PRAG1: variants seen among roughly 807,000 people sequenced by gnomAD.
PRAG1 encodes the protein PEAK1 related, kinase-activating pseudokinase 1, also known as inactive tyrosine-protein kinase PRAG1.
Under a neutral mutation model 95.6 loss-of-function variants are expected in PRAG1, and 110 were observed. The ratio of observed to expected loss-of-function variants is 1.15; its 90% CI spans 0.99 to 1.35. The LOEUF is 1.35. PRAG1 is among the 40% of genes most tolerant of loss of function. The pLI, the probability that PRAG1 is intolerant of heterozygous loss-of-function variation, is 0.00. For synonymous variants in PRAG1, 1,052 were observed against 819.4 expected, an observed-to-expected ratio of 1.28 and a Z score of -4.85; for missense variants, 2,554 against 1,864.7, an observed-to-expected ratio of 1.37 and a Z score of -6.81.
At chr8:8,373,017 T>C (rs976715873) in intron 3 of PRAG1, among the ~76,000 whole-genome samples, 46 of 152,296 alleles carry the variant, frequency 3.0e-4, no homozygotes, top group Admixed American at 1.1e-3. Context: ...AGAAATAGGA[T>C]CTATTTCACA....
intron 3 of PRAG1, chr8:8,374,782 A>G (rs1383099346): frequency 1.2e-6 from 1 of 862,246 alleles, no homozygotes; most frequent in Non-Finnish European, 1.4e-6. Flanking sequence ...AGTAGTGGTC[A>G]TGAGAAAAAA....
chr8:8,352,516 A>C (rs1563242889), intron 3 of PRAG1, among the ~76,000 whole-genome samples: 2 of 152,146 alleles, frequency 1.3e-5, no homozygotes, highest in African/African-American at 2.4e-5. Context: ...CATCACTTTT[A>C]TTCATCTTCT....
chr8:8,380,887 G>C (rs1800612605), intron 2 of PRAG1, among the ~76,000 whole-genome samples: 1 of 149,940 alleles, frequency 6.7e-6, no homozygotes, highest in African/African-American at 2.5e-5. Context: ...AATTAAGTGT[G>C]ATAATGGTAT....
intron 3 of PRAG1, among the ~76,000 whole-genome samples, chr8:8,366,825 G>T (rs1225695734): frequency 1.3e-5 from 2 of 151,524 alleles, no homozygotes; most frequent in Non-Finnish European, 2.9e-5. Flanking sequence ...CTACAGGTAT[G>T]TGCCACCATG....
At chr8:8,336,912 C>G (rs1314029643) in intron 4 of PRAG1, among the ~76,000 whole-genome samples, 1 of 82,872 alleles carries the variant, frequency 1.2e-5, no homozygotes, top group South Asian at 5.7e-4. Context: ...CCCCTTTCCC[C>G]CCTCCCCCCA....
At chr8:8,355,461 G>A (rs1799652060) in intron 3 of PRAG1, among the ~76,000 whole-genome samples, 3 of 151,970 alleles carry the variant, frequency 2.0e-5, no homozygotes, top group Admixed American at 2.0e-4. Flanking sequence ...AATAGTCAAA[G>A]CAATATTGAG....
intron 3 of PRAG1, among the ~76,000 whole-genome samples, chr8:8,357,858 G>T (rs747676170): frequency 1.3e-5 from 2 of 152,182 alleles, no homozygotes. Flanking sequence ...AACAAATTCA[G>T]TTCCTCCTAT....
At chr8:8,358,294 C>A (rs531953122) in intron 3 of PRAG1, among the ~76,000 whole-genome samples, 1 of 152,186 alleles carries the variant, frequency 6.6e-6, no homozygotes, top group Non-Finnish European at 1.5e-5. Flanking sequence ...CCCTCTCTGA[C>A]AAACCACCCT....
At chr8:8,328,515 G>C (rs995914597) in intron 4 of PRAG1, 54 bp from the exon 5 acceptor site, 1 of 1,551,330 alleles carries the variant, frequency 6.4e-7, no homozygotes, top group Non-Finnish European at 8.7e-7. Flanking sequence ...CTCAATTCCA[G>C]GGTCCTGCAG....
At chr8:8,326,118 C>A (rs1347998447) in intron 5 of PRAG1, among the ~76,000 whole-genome samples, 1 of 147,060 alleles carries the variant, frequency 6.8e-6, no homozygotes, top group Non-Finnish European at 1.5e-5. Context: ...TATAATAATA[C>A]TATTACTACT....
At chr8:8,379,145 G>A (rs2116942787) in intron 2 of PRAG1, among the ~76,000 whole-genome samples, 2 of 152,146 alleles carry the variant, frequency 1.3e-5, no homozygotes, top group African/African-American at 4.8e-5. Context: ...GGATCAGGGT[G>A]AGGGGTGGCT....
At chr8:8,357,837 T>C (rs1002982582) in intron 3 of PRAG1, among the ~76,000 whole-genome samples, 1 of 152,252 alleles carries the variant, frequency 6.6e-6, no homozygotes, top group African/African-American at 2.4e-5. Flanking sequence ...GTTCTGTGAA[T>C]GTATGGGAAA....
chr8:8,353,049 A>G (rs1379606342), intron 3 of PRAG1, among the ~76,000 whole-genome samples: 1 of 152,248 alleles, frequency 6.6e-6, no homozygotes, highest in Non-Finnish European at 1.5e-5. Flanking sequence ...TACAAACATT[A>G]AAGTATCTAA....
chr8:8,354,906 T>C (rs1299847170), intron 3 of PRAG1, among the ~76,000 whole-genome samples: 1 of 152,170 alleles, frequency 6.6e-6, no homozygotes, highest in Admixed American at 6.5e-5. Context: ...TTCATCATTG[T>C]ACTGGAGGTA....
intron 3 of PRAG1, among the ~76,000 whole-genome samples, chr8:8,362,457 C>T (rs559570939): frequency 1.3e-5 from 2 of 152,274 alleles, no homozygotes; most frequent in Admixed American, 6.5e-5. Context: ...CATCCTTTCC[C>T]GTGTTGCTGA....
chr8:8,366,661 C>G (rs1800018085), intron 3 of PRAG1, among the ~76,000 whole-genome samples: 1 of 150,306 alleles, frequency 6.7e-6, no homozygotes, highest in African/African-American at 2.4e-5. Flanking sequence ...GTATTAACCA[C>G]TTGAGATTTT....
chr8:8,383,825 TG>T lies in PRAG1; in HGVS notation c.-87-1992del, dbSNP rs572035782. 3.3e-3 allele frequency among the ~76,000 whole-genome samples: 504 copies of T among 152,296 alleles called. 4 individuals are homozygous for T. Among genetic ancestry groups the T allele is most frequent in the African/African-American group, 0.011 (475 of 41,566 alleles). Reference sequence around the variant, plus strand: ...ACAAGCGGAGGAAATAGCCAGGTTTTGTCTTTCTCTTATAATCTCAGGCCAC... The same window carrying T: ...ACAAGCGGAGGAAATAGCCAGGTTTTTCTTTCTCTTATAATCTCAGGCCAC... On this transcript the variant is annotated intron_variant, in intron 1 of 5. Transcript: ENST00000615670.
rs56289289 is a variant in PRAG1 at position 8,327,774 on chromosome 8, G to T, written c.3008C>A (p.Ser1003Ter). 6.2e-7 allele frequency: 1 copy of T among 1,614,056 alleles called. No homozygotes were observed. Among genetic ancestry groups the T allele is most frequent in the African/African-American group, 1.3e-5 (1 of 74,920 alleles). Reference sequence around the variant, plus strand: ...GGCACAGTAATAAATGGCATCCCCCGAGTCACAGCAGGGCTTGTTACAAGT... The same window carrying T: ...GGCACAGTAATAAATGGCATCCCCCTAGTCACAGCAGGGCTTGTTACAAGT... ...KLTCNKPCCD[S>*]GDAIYYCATC... The change falls in exon 5 of 6, where the codon TCG (serine) becomes TAG (stop). Residue 1003 changes from serine (S) to a stop codon, truncating the protein, a stop_gained. Coordinates refer to ENST00000615670, the MANE Select transcript of PRAG1 (RefSeq NM_001080826.3). LOFTEE classifies it high-confidence loss of function.
intron 2 of PRAG1, among the ~76,000 whole-genome samples, chr8:8,380,761 G>C (rs535132625): frequency 1.7e-4 from 25 of 149,256 alleles, no homozygotes; most frequent in African/African-American, 6.2e-4. Context: ...GCTGAGGCAG[G>C]AGAATCGCTT....
Sources: gnomAD v4.1 joint callset for allele counts (sites outside exome capture counted in the v4.1 genomes callset) on GRCh38, gnomAD v4.1.1 for gene constraint, MANE v1.5 for transcripts, NCBI Gene and HGNC (gene_info 2026-07-23, HGNC 2026-07-21) for gene names.